DENND1C: variants seen among roughly 807,000 people sequenced by gnomAD.
The protein encoded by DENND1C is DENN domain-containing protein 1C.
DENND1C carries 64 observed loss-of-function variants against 87.9 expected under a neutral mutation model. The observed-to-expected ratio is 0.73, with a 90% confidence interval of 0.60 to 0.90. The LOEUF is 0.90. Among genes scored for constraint, DENND1C ranks in the 40% least tolerant of loss-of-function variants. The pLI, the probability that DENND1C is intolerant of heterozygous loss-of-function variation, is 0.00. For missense variants in DENND1C, 980 were observed against 1,037.0 expected (o/e 0.95, Z 0.76); for synonymous variants, 384 against 424.4 (o/e 0.90, Z 1.17).
In DENND1C at chr19:6,475,419, C is replaced by A; in HGVS notation, c.928-20G>T. 1 of 1,612,296 alleles carries A rather than the reference C, an allele frequency of 6.2e-7. No individual in the cohort carries two copies. Among genetic ancestry groups the A allele is most frequent in the South Asian group, 1.1e-5 (1 of 90,994 alleles). On this transcript the variant is annotated intron_variant, in intron 13 of 22. Transcript: ENST00000381480. ...GGACACCTGAAGCACAAGGGAGTGG[C>A]CCTGAGTGGGCAGGTGTGGGCCCCT...
intron 10 of DENND1C, chr19:6,476,165 T>C: frequency 1.9e-6 from 1 of 528,742 alleles, no homozygotes; most frequent in Non-Finnish European, 3.3e-6. Flanking sequence ...GATCCCTCTC[T>C]GTAAGGGGCG....
chr19:6,471,897 G>A (rs2092831496), intron 15 of DENND1C, among the ~76,000 whole-genome samples: 1 of 152,096 alleles, frequency 6.6e-6, no homozygotes, highest in Non-Finnish European at 1.5e-5. Context: ...TCTGCCTTGG[G>A]CTCCCAAAAT....
chr19:6,475,212 C>G lies in DENND1C; in HGVS notation c.1053+62G>C, dbSNP rs772091930. 15 of 1,604,780 alleles carry G rather than the reference C, an allele frequency of 9.3e-6. No individual in the cohort carries two copies. The Admixed American group carries it at 2.0e-4, about 21-fold the overall frequency. ...GCGTCCGGCCATCTACTGTACCTAT[C>G]GTTACATTGCGATTCATTCAGGAAC... On this transcript the variant is annotated intron_variant, in intron 14 of 22. Transcript: ENST00000381480.
intron 10 of DENND1C, 90 bp from the exon 11 acceptor site, chr19:6,476,027 T>TG (rs1250354109): frequency 1.7e-6 from 2 of 1,177,382 alleles, no homozygotes; most frequent in African/African-American, 1.6e-5. Context: ...CCCAGTCTCC[T>TG]GTTCCCCCTC....
chr19:6,470,412 C>T (rs1301189025), intron 17 of DENND1C, 46 bp from the exon 18 acceptor site: 4 of 1,578,994 alleles, frequency 2.5e-6, no homozygotes, highest in Non-Finnish European at 2.6e-6. Flanking sequence ...GGCCAGATCC[C>T]ACCTCCCCAT....
intron 18 of DENND1C, 189 bp downstream of exon 18, chr19:6,470,106 G>A: frequency 1.7e-6 from 1 of 603,114 alleles, no homozygotes; most frequent in Non-Finnish European, 2.8e-6. Flanking sequence ...CAAAAAATGA[G>A]TATAATAAAT....
At chr19:6,468,463 C>T in intron 21 of DENND1C, 22 bp from the exon 22 acceptor site, 2 of 1,601,924 alleles carry the variant, frequency 1.2e-6, no homozygotes, top group Non-Finnish European at 8.5e-7. Context: ...TGGGCAGCCT[C>T]AGATATTTGC....
intron 10 of DENND1C, chr19:6,476,647 T>C (rs555782156): frequency 8.8e-6 from 5 of 570,802 alleles, no homozygotes; most frequent in South Asian, 6.3e-5. Context: ...CTGAGCACAG[T>C]ACTCCCAAAA....
chr19:6,474,749 A>G (rs2092848545), intron 14 of DENND1C, among the ~76,000 whole-genome samples: 1 of 152,018 alleles, frequency 6.6e-6, no homozygotes, highest in South Asian at 2.1e-4. Context: ...GCTACCTATC[A>G]TTATTATTTT....
Position 6,470,610 on chromosome 19 carries a change from G to GTTTTTT in DENND1C, c.1291-250_1291-245dup, listed in dbSNP as rs1555747420. ...TTTTGAGATGGAGTCTCAAAGAACA[G>GTTTTTT]TTTTTTTTTGTTTTTTTTTTTTTTT... is the stretch of plus-strand genomic sequence containing the variant. On this transcript the variant is annotated intron_variant, in intron 17 of 22. Coordinates refer to ENST00000381480, the MANE Select transcript of DENND1C (RefSeq NM_024898.4). Among the ~76,000 whole-genome samples the GTTTTTT allele has an allele frequency of 1.6e-4, 16 of 100,686 alleles. 1 individual carries two copies. Among genetic ancestry groups the GTTTTTT allele is most frequent in the African/African-American group, 2.2e-4 (6 of 26,934 alleles). 66.1% of individuals were successfully genotyped at this position (100,686 alleles called of 152,430 possible).
chr19:6,480,349 G>A, intron 1 of DENND1C: 1 of 1,325,554 alleles, frequency 7.5e-7, no homozygotes. Context: ...GTGTGATCCT[G>A]TCTGCTGTCT....
Position 6,467,400 on chromosome 19 carries a change from G to C in DENND1C, c.*104C>G. Reference sequence around the variant, plus strand: ...ACAGAGGTGGGTGGGATGGATTTCCGAGCAGAGTGAGGGCACCAGAGAAAT... The same window carrying C: ...ACAGAGGTGGGTGGGATGGATTTCCCAGCAGAGTGAGGGCACCAGAGAAAT... On this transcript the variant is annotated 3_prime_UTR_variant, in exon 23 of 23. Transcript: ENST00000381480. 7.2e-7 allele frequency: 1 copy of C among 1,392,032 alleles called. No individual in the cohort carries two copies. The allele number at this position is 1,392,032 out of a possible 1,614,324, so 86.2% of individuals were successfully genotyped here. A position where few individuals can be genotyped will look rare whatever the true frequency, so the allele number is the denominator to read the frequency against.
At chr19:6,474,543 A>C (rs1165532598) in intron 14 of DENND1C, among the ~76,000 whole-genome samples, 5 of 152,220 alleles carry the variant, frequency 3.3e-5, no homozygotes. Context: ...TATCCATCTC[A>C]AAATGTTATG....
At chr19:6,474,683 T>TG (rs1448591322) in intron 14 of DENND1C, among the ~76,000 whole-genome samples, 1 of 152,166 alleles carries the variant, frequency 6.6e-6, no homozygotes, top group East Asian at 1.9e-4. Flanking sequence ...GTGGCACTAT[T>TG]GGGGTCCCAT....
chr19:6,469,339 C>CT lies in DENND1C; in HGVS notation c.1407+256dup, dbSNP rs202013884. ...AGCCACCGTGCCCAGCCACAGTCTT[C>CT]TTTTTTTTGAGACAGGGTCTCTCTG... On this transcript the variant is annotated intron_variant, in intron 19 of 22. Coordinates refer to ENST00000381480, the MANE Select transcript of DENND1C (RefSeq NM_024898.4). 4,057 of 492,508 alleles carry CT rather than the reference C, an allele frequency of 8.2e-3. 125 individuals carry two copies. Among genetic ancestry groups the CT allele is most frequent in the African/African-American group, 0.069 (3,552 of 51,268 alleles). The allele number at this position is 492,508 out of a possible 1,614,324, so 30.5% of individuals were successfully genotyped here.
chr19:6,469,660 G>T lies in DENND1C; in HGVS notation c.1363-20C>A, dbSNP rs371478630. 1.3e-6 allele frequency: 2 copies of T among 1,598,764 alleles called. No individual in the cohort carries two copies. The highest frequency in any genetic ancestry group is 1.7e-6 in the Non-Finnish European group (2 of 1,172,548). On this transcript the variant is annotated intron_variant, in intron 18 of 22. Coordinates refer to ENST00000381480, the MANE Select transcript of DENND1C (RefSeq NM_024898.4). ...CTTGGCCTATAAAGGAGTGGACAGA[G>T]AATTACCCAAGGGTGGTGGGATCCT...
chr19:6,473,805 G>A (rs187402799), intron 14 of DENND1C, among the ~76,000 whole-genome samples: 4,560 of 148,724 alleles, frequency 0.031, 253 homozygotes, highest in African/African-American at 0.11. Context: ...GGGTGTGGGC[G>A]GGGGGGTGGG....
At chr19:6,471,517 T>G in intron 15 of DENND1C, 21 bp from the exon 16 acceptor site, 1 of 1,525,334 alleles carries the variant, frequency 6.6e-7, no homozygotes, top group Non-Finnish European at 8.8e-7. Context: ...GGACAGTAAA[T>G]CAGAAACAGC....
chr19:6,478,486 C>T (rs1001054973), intron 6 of DENND1C, among the ~76,000 whole-genome samples: 2 of 150,974 alleles, frequency 1.3e-5, no homozygotes, highest in East Asian at 2.0e-4. Flanking sequence ...GAACTCCTGA[C>T]CTCAGGTGAT....
Sources: gnomAD v4.1 joint callset for allele counts (sites outside exome capture counted in the v4.1 genomes callset) on GRCh38, gnomAD v4.1.1 for gene constraint, MANE v1.5 for transcripts, NCBI Gene and HGNC (gene_info 2026-07-23, HGNC 2026-07-21) for gene names.